Variants in TYR observed in about 807,000 individuals in gnomAD.
TYR encodes the protein tyrosinase.
A neutral mutation model predicts 51.5 loss-of-function variants in TYR; 58 were observed. The observed-to-expected ratio is 1.13, with a 90% CI of 0.91 to 1.40. The LOEUF is 1.40. Among genes scored for constraint, TYR ranks in the 40% most tolerant of loss-of-function variants. The pLI, the probability that TYR is intolerant of heterozygous loss-of-function variation, is 0.00. For synonymous variants in TYR, 263 were observed against 235.2 expected (o/e 1.12, Z -1.08); for missense variants, 732 against 647.4 (o/e 1.13, Z -1.42).
In TYR at chr11:89,178,234, A is replaced by T. The variant is rs1278535818; in HGVS notation, c.281A>T (p.Asn94Ile). The T allele has an allele frequency of 1.2e-6, 2 of 1,614,168 alleles. No individual in the cohort carries two copies. ...AATAGGACCTGCCAGTGCTCTGGCA[A>T]CTTCATGGGATTCAACTGTGGAAAC... is the stretch of plus-strand genomic sequence containing the variant. The part of the protein sequence containing the change: ...FYNRTCQCSG[N>I]FMGFNCGNCK... Residue 94 changes from asparagine (N) to isoleucine (I), a missense_variant, in exon 1 of 5, where the codon AAC becomes ATC. Asn to Ile is a moderately radical substitution (Grantham distance 149). Transcript: ENST00000263321.
chr11:89,265,618 A>G (rs1192837162), intron 3 of TYR, among the ~76,000 whole-genome samples: 1 of 152,034 alleles, frequency 6.6e-6, no homozygotes, highest in Non-Finnish European at 1.5e-5. Context: ...TTCTCCTTTG[A>G]TGTTCTACCC....
chr11:89,228,609 C>T (rs1944005582), intron 3 of TYR, among the ~76,000 whole-genome samples: 1 of 152,112 alleles, frequency 6.6e-6, no homozygotes, highest in African/African-American at 2.4e-5. Context: ...CTTTTTGAAC[C>T]TAACACACTT....
chr11:89,256,632 A>T (rs1312879641), intron 3 of TYR, among the ~76,000 whole-genome samples: 1 of 151,948 alleles, frequency 6.6e-6, no homozygotes, highest in African/African-American at 2.4e-5. Context: ...TGGAAAAAAA[A>T]CTGAAAATGC....
At chr11:89,188,895 A>G (rs2135250922) in intron 1 of TYR, among the ~76,000 whole-genome samples, 1 of 152,080 alleles carries the variant, frequency 6.6e-6, no homozygotes, top group East Asian at 1.9e-4. Context: ...TCAGTAGGAA[A>G]TAATGTTTGC....
chr11:89,190,934 A>T (rs1298186341), intron 1 of TYR, among the ~76,000 whole-genome samples: 1 of 152,142 alleles, frequency 6.6e-6, no homozygotes. Flanking sequence ...GTAGCCTAGG[A>T]GCAGTAGGTT....
At chr11:89,262,364 T>C (rs1944467143) in intron 3 of TYR, among the ~76,000 whole-genome samples, 1 of 151,926 alleles carries the variant, frequency 6.6e-6, no homozygotes, top group Non-Finnish European at 1.5e-5. Context: ...TGGCCTGAAA[T>C]TTATGGTTAT....
chr11:89,242,756 TG>T (rs1944215935), intron 3 of TYR, among the ~76,000 whole-genome samples: 1 of 152,226 alleles, frequency 6.6e-6, no homozygotes, highest in African/African-American at 2.4e-5. Context: ...GTAGCTTTTT[TG>T]AGACTTATTT....
In TYR at chr11:89,178,611, C is replaced by T. The variant is rs797046083; in HGVS notation, c.658C>T (p.Gln220Ter). The change falls in exon 1 of 5, where the codon CAA becomes TAA. Residue 220 changes from glutamine to a stop codon, truncating the protein, a stop_gained. Coordinates refer to ENST00000263321, the MANE Select transcript of TYR (RefSeq NM_000372.5). LOFTEE classifies it high-confidence loss of function. ...TAGACTCTTCTTGTTGCGGTGGGAACAAGAAATCCAGAAGCTGACAGGAGA... is the reference window on the plus strand; with the variant it reads ...TAGACTCTTCTTGTTGCGGTGGGAATAAGAAATCCAGAAGCTGACAGGAGA... ...WHRLFLLRWE[Q>*]EIQKLTGDEN... The T allele has an allele frequency of 5.0e-6, 8 of 1,612,394 alleles. No individual in the cohort carries two copies. In the African/African-American group the frequency reaches 1.1e-4, roughly 22 times the overall value.
At chr11:89,253,421 G>A (rs1197257492) in intron 3 of TYR, among the ~76,000 whole-genome samples, 2 of 151,354 alleles carry the variant, frequency 1.3e-5, no homozygotes, top group South Asian at 2.1e-4. Context: ...TTAAATGAAC[G>A]TTTCAATATT....
At chr11:89,206,545 G>A (rs984746828) in intron 2 of TYR, among the ~76,000 whole-genome samples, 1 of 152,124 alleles carries the variant, frequency 6.6e-6, no homozygotes, top group African/African-American at 2.4e-5. Flanking sequence ...ATTACAGTTG[G>A]AGAATTCAAT....
intron 3 of TYR, among the ~76,000 whole-genome samples, chr11:89,271,572 G>C (rs1052559435): frequency 1.1e-4 from 17 of 151,918 alleles, no homozygotes; most frequent in African/African-American, 3.9e-4. Flanking sequence ...CAGGTTGATG[G>C]TTGCTGACTG....
At chr11:89,203,249 T>C (rs1360183863) in intron 2 of TYR, among the ~76,000 whole-genome samples, 2 of 152,190 alleles carry the variant, frequency 1.3e-5, no homozygotes, top group Admixed American at 1.3e-4. Context: ...ATAACAACCA[T>C]AGTTAAGTCT....
chr11:89,211,773 A>G (rs776805194), intron 2 of TYR, among the ~76,000 whole-genome samples: 16 of 152,246 alleles, frequency 1.1e-4, no homozygotes, highest in Non-Finnish European at 1.9e-4. Flanking sequence ...CAATCAAGTT[A>G]GAACTCAGGA....
chr11:89,199,633 C>A (rs867003525), intron 2 of TYR, among the ~76,000 whole-genome samples: 2 of 152,190 alleles, frequency 1.3e-5, no homozygotes, highest in South Asian at 4.1e-4. Context: ...TCAATAATTA[C>A]ATGCTCAGGT....
chr11:89,199,129 A>G lies in TYR; in HGVS notation c.1036+7711A>G, dbSNP rs1333959467. Among the ~76,000 whole-genome samples, 4 of 152,074 alleles carry G rather than the reference A, an allele frequency of 2.6e-5. No homozygotes were observed. The East Asian group carries it at 7.7e-4, about 29-fold the overall frequency. On this transcript the variant is annotated intron_variant, in intron 2 of 4. Coordinates refer to ENST00000263321, the MANE Select transcript of TYR (RefSeq NM_000372.5). ...GGCTGCATGGTATTCCATGGTGTAT[A>G]TGTGCCACATTTTCTTAATCCAGTC...
rs191305989 is a variant in TYR, at chr11:89,207,661, T to C, written c.1036+16243T>C. The stretch of plus-strand genomic sequence containing the variant: ...ACCAGATAAAAGGATGCCAAGAAAA[T>C]GAGACAGATCAATATCCCTCATGTA... On this transcript the variant is annotated intron_variant, in intron 2 of 4. Coordinates refer to ENST00000263321, the MANE Select transcript of TYR (RefSeq NM_000372.5). 2.7e-4 allele frequency among the ~76,000 whole-genome samples: 41 copies of C among 152,232 alleles called. No individual in the cohort carries two copies. In the East Asian group the frequency reaches 7.1e-3, roughly 27 times the overall value.
intron 2 of TYR, among the ~76,000 whole-genome samples, chr11:89,205,920 T>C (rs577896721): frequency 6.6e-6 from 1 of 152,230 alleles, no homozygotes; most frequent in African/African-American, 2.4e-5. Context: ...CAAATAAGGT[T>C]TTACACTTAA....
chr11:89,178,862 T>A, intron 1 of TYR, 90 bp downstream of exon 1: 2 of 1,295,196 alleles, frequency 1.5e-6, no homozygotes, highest in Non-Finnish European at 1.1e-6. Flanking sequence ...ACCTGAACAC[T>A]CATTGCAGCC....
chr11:89,247,836 AT>A (rs1944285633), intron 3 of TYR, among the ~76,000 whole-genome samples: 3 of 152,182 alleles, frequency 2.0e-5, no homozygotes, highest in African/African-American at 7.2e-5. Flanking sequence ...CAGAAGCAGC[AT>A]GACTGTAGGA....
Sources: allele counts gnomAD v4.1 joint callset (sites outside exome capture counted in the v4.1 genomes callset), GRCh38; gene constraint gnomAD v4.1.1; transcripts MANE v1.5; gene names NCBI Gene and HGNC (gene_info 2026-07-23, HGNC 2026-07-21).